The following PTPDC1 variants were observed in gnomAD, a reference collection of about 807,000 sequenced individuals.
The protein encoded by PTPDC1 is protein tyrosine phosphatase domain containing 1, also known as protein tyrosine phosphatase domain-containing protein 1.
A neutral mutation model predicts 75.3 loss-of-function variants in PTPDC1; 53 were observed. The ratio of observed to expected loss-of-function variants is 0.70; its 90% CI spans 0.56 to 0.88. The LOEUF (loss-of-function observed/expected upper bound fraction) is 0.88. PTPDC1 is among the 40% of genes least tolerant of loss of function. The pLI, the probability that PTPDC1 is intolerant of heterozygous loss-of-function variation, is 0.00. For synonymous variants in PTPDC1, 349 were observed against 366.2 expected (o/e 0.95, Z 0.54); for missense variants, 925 against 998.6 (o/e 0.93, Z 0.99).
intron 1 of PTPDC1, chr9:94,038,166 G>A: frequency 1.5e-6 from 1 of 665,576 alleles, no homozygotes; most frequent in Non-Finnish European, 2.8e-6. Context: ...CAGGCCGTTG[G>A]ATTCTCTTAC....
intron 1 of PTPDC1, among the ~76,000 whole-genome samples, chr9:94,042,123 C>T (rs953922071): frequency 6.6e-6 from 1 of 152,170 alleles, no homozygotes; most frequent in Non-Finnish European, 1.5e-5. Context: ...AGAAATCTGG[C>T]TCCTACCATT....
intron 4 of PTPDC1, among the ~76,000 whole-genome samples, chr9:94,090,600 T>C (rs1338110559): frequency 2.6e-5 from 3 of 114,568 alleles, no homozygotes; most frequent in Non-Finnish European, 5.2e-5. Context: ...AAAGTAGTTT[T>C]TTCCAATTCT....
In PTPDC1 at chr9:94,097,707, A is replaced by C. The variant is rs146028643; in HGVS notation, c.1141A>C (p.Met381Leu). 2 of 1,614,110 alleles carry C rather than the reference A, an allele frequency of 1.2e-6. No homozygotes were observed. The highest frequency in any genetic ancestry group is 1.7e-6 in the Non-Finnish European group (2 of 1,180,048). ...SAEIEKTMSE[M>L]VTMQLDKELL... ...TGAAATAGAAAAGACAATGTCTGAG[A>C]TGGTCACCATGCAGCTGGATAAAGA... Residue 381 changes from methionine to leucine, a missense_variant, in exon 6 of 9, where the codon ATG becomes CTG. Met to Leu is a conservative substitution (Grantham distance 15). Transcript: ENST00000620992.
At chr9:94,093,483 G>T (rs1320904534) in intron 4 of PTPDC1, among the ~76,000 whole-genome samples, 1 of 146,214 alleles carries the variant, frequency 6.8e-6, no homozygotes, top group East Asian at 2.0e-4. Context: ...TCCCTTTGAG[G>T]GTAACCCGAC....
upstream of PTPDC1, among the ~76,000 whole-genome samples, chr9:94,080,992 T>TC (rs1245639189): frequency 7.7e-5 from 11 of 142,592 alleles, no homozygotes; most frequent in African/African-American, 2.3e-4. Flanking sequence ...CTTTTTCTTT[T>TC]TCTTTTTTTT....
At chr9:94,035,150 G>A (rs1825224821) in intron 1 of PTPDC1, among the ~76,000 whole-genome samples, 1 of 152,116 alleles carries the variant, frequency 6.6e-6, no homozygotes. Context: ...AATTGGTGTT[G>A]TGACTGTGTT....
intron 2 of PTPDC1, 89 bp from the exon 3 acceptor site, chr9:94,087,742 A>G (rs1827127612): frequency 1.2e-6 from 1 of 856,482 alleles, no homozygotes; most frequent in Non-Finnish European, 1.9e-6. Context: ...AAATCATAGA[A>G]AAAATCATCT....
rs149763623 is a variant in PTPDC1 at position 94,053,740 on chromosome 9, A to G, written c.-6-10994A>G. On this transcript the variant is annotated intron_variant, in intron 1 of 9. Coordinates refer to the PTPDC1 transcript ENST00000375360. Reference sequence around the variant, plus strand: ...AGAAAACAAATCCAACCCTCAGGGAATGGGAACACAAATCTGTCACATAGA... The same window carrying G: ...AGAAAACAAATCCAACCCTCAGGGAGTGGGAACACAAATCTGTCACATAGA... Among the ~76,000 whole-genome samples the G allele has an allele frequency of 1.4e-3, 210 of 152,344 alleles. 3 individuals are homozygous for G. In the East Asian group the frequency reaches 0.038, roughly 28 times the overall value.
At position 94,104,259 on chromosome 9, in the gene PTPDC1, A is replaced by G; in HGVS notation, c.2200-16A>G. On this transcript the variant is annotated splice_polypyrimidine_tract_variant and intron_variant, in intron 7 of 8. Coordinates refer to ENST00000620992, the MANE Select transcript of PTPDC1 (RefSeq NM_001253829.2). ...TTTTTGAAAAATTTTTTAAATTTTGATTTCTACAAAAACAGGGACAGCACC... is the reference window on the plus strand; with the variant it reads ...TTTTTGAAAAATTTTTTAAATTTTGGTTTCTACAAAAACAGGGACAGCACC... The G allele has an allele frequency of 6.3e-7, 1 of 1,582,872 alleles. No homozygotes were observed. The highest frequency in any genetic ancestry group is 8.6e-7 in the Non-Finnish European group (1 of 1,156,800).
chr9:94,074,145 C>T (rs1279859200), intron 2 of PTPDC1, among the ~76,000 whole-genome samples: 2 of 152,098 alleles, frequency 1.3e-5, no homozygotes, highest in Non-Finnish European at 2.9e-5. Flanking sequence ...ATTTTGGGTC[C>T]TTTTCTTTCT....
chr9:94,087,192 A>G (rs1827104080), intron 2 of PTPDC1, among the ~76,000 whole-genome samples: 1 of 152,210 alleles, frequency 6.6e-6, no homozygotes, highest in Non-Finnish European at 1.5e-5. Context: ...GAGTTCTTGA[A>G]AATACTTTGC....
At chr9:94,099,355 G>A (rs1432788891) in intron 6 of PTPDC1, among the ~76,000 whole-genome samples, 1 of 152,054 alleles carries the variant, frequency 6.6e-6, no homozygotes, top group Non-Finnish European at 1.5e-5. Context: ...CCCAAAAGGA[G>A]GCTGACTTGG....
At chr9:94,074,299 GA>G (rs1826606671) in intron 2 of PTPDC1, among the ~76,000 whole-genome samples, 1 of 152,110 alleles carries the variant, frequency 6.6e-6, no homozygotes, top group South Asian at 2.1e-4. Flanking sequence ...TGACGAAGTG[GA>G]ATTTCAGCTC....
intron 1 of PTPDC1, among the ~76,000 whole-genome samples, chr9:94,052,266 T>G (rs1250279266): frequency 6.6e-6 from 1 of 152,196 alleles, no homozygotes; most frequent in Non-Finnish European, 1.5e-5. Flanking sequence ...TTTCAAATAT[T>G]TCCAGTTACC....
intron 1 of PTPDC1, among the ~76,000 whole-genome samples, chr9:94,055,940 G>A (rs895490854): frequency 1.3e-5 from 2 of 152,080 alleles, no homozygotes; most frequent in African/African-American, 4.8e-5. Flanking sequence ...GCACAACACA[G>A]AGTTAACATA....
At position 94,097,408 on chromosome 9, in the gene PTPDC1, C is replaced by G. The variant is rs201897615; in HGVS notation, c.842C>G (p.Ser281Cys). The change falls in exon 6 of 9, where the codon TCC becomes TGC. Residue 281 changes from serine to cysteine, a missense_variant. By Grantham distance (112) the Ser-to-Cys change is moderately radical. Coordinates refer to ENST00000620992, the MANE Select transcript of PTPDC1 (RefSeq NM_001253829.2). ...IIFVRAKRPN[S>C]IQTRGQLLCV... is the part of the protein sequence containing the mutation. ...TTTGTGCGGGCAAAGCGACCCAATT[C>G]CATACAAACCAGAGGACAGCTCCTC... The G allele has an allele frequency of 1.2e-6, 2 of 1,614,168 alleles. No homozygotes were observed. The highest frequency in any genetic ancestry group is 1.7e-5 in the Admixed American group (1 of 60,026).
In PTPDC1 at chr9:94,097,523, A is replaced by G. The variant is rs1169205459; in HGVS notation, c.957A>G (p.Gln319=). Reference sequence around the variant, plus strand: ...AAGCACATGCTGTCACCTTACCTCAATATCTAATTCGCCAGCGTCATCTGC... The same window carrying G: ...AAGCACATGCTGTCACCTTACCTCAGTATCTAATTCGCCAGCGTCATCTGC... The part of the protein sequence containing the change: ...DPKAHAVTLP[Q]YLIRQRHLLH... The change falls in exon 6 of 9, where the codon CAA becomes CAG. Residue 319 remains glutamine, a synonymous_variant. Transcript: ENST00000620992. 9.3e-6 allele frequency: 15 copies of G among 1,614,132 alleles called. No individual in the cohort carries two copies. Among genetic ancestry groups the G allele is most frequent in the Non-Finnish European group, 1.1e-5 (13 of 1,180,036 alleles).
rs766501240 is a variant in PTPDC1 at position 94,098,073 on chromosome 9, G to C, written c.1507G>C (p.Val503Leu). ...ACCAGACTTACACAAGGAAGCCTTG[G>C]TTCGCAGCACACTTTCTTTCTGGAG... ...PEPDLHKEAL[V>L]RSTLSFWSQS... is the part of the protein sequence containing the mutation. Residue 503 changes from valine to leucine, a missense_variant, in exon 6 of 9, where the codon GTT becomes CTT. Transcript: ENST00000620992. The C allele has an allele frequency of 1.4e-5, 23 of 1,614,100 alleles. No homozygotes were observed. Among genetic ancestry groups the C allele is most frequent in the African/African-American group, 2.7e-5 (2 of 74,942 alleles).
intron 1 of PTPDC1, among the ~76,000 whole-genome samples, chr9:94,054,183 G>A (rs182162708): frequency 8.7e-4 from 132 of 152,318 alleles, no homozygotes; most frequent in Admixed American, 4.8e-3. Context: ...TGTATTAGAT[G>A]TGTTTTCTTC....
Sources: allele counts gnomAD v4.1 joint callset (sites outside exome capture counted in the v4.1 genomes callset), GRCh38; gene constraint gnomAD v4.1.1; transcripts MANE v1.5; gene names NCBI Gene and HGNC (gene_info 2026-07-23, HGNC 2026-07-21).